LINS1: variants seen among roughly 807,000 people sequenced by gnomAD.
The protein encoded by LINS1 is lines homolog 1.
In LINS1, 27 loss-of-function variants were observed where a neutral mutation model predicts 41.6. That is an observed-to-expected ratio of 0.65 (90% CI 0.48 to 0.89). LINS1 has a LOEUF of 0.89. Ranked by LOEUF, LINS1 falls within the 40% of genes least tolerant of loss-of-function variation. The pLI is 0.00. For missense variants in LINS1, 955 were observed against 884.1 expected (o/e 1.08, Z -1.02); for synonymous variants, 336 against 312.9 (o/e 1.07, Z -0.78).
At chr15:100,576,273 G>A (rs951627196) in intron 3 of LINS1, among the ~76,000 whole-genome samples, 29 of 152,028 alleles carry the variant, frequency 1.9e-4, no homozygotes, top group African/African-American at 5.6e-4. Context: ...TTGATAAACC[G>A]TTAGCAAGAC....
At chr15:100,584,337 G>A (rs1334822530) in intron 1 of LINS1, among the ~76,000 whole-genome samples, 2 of 152,106 alleles carry the variant, frequency 1.3e-5, no homozygotes, top group Non-Finnish European at 2.9e-5. Flanking sequence ...AAATGAAAAT[G>A]AAATTGCTAT....
intron 3 of LINS1, among the ~76,000 whole-genome samples, chr15:100,577,816 C>A (rs1224781044): frequency 6.6e-6 from 1 of 152,100 alleles, no homozygotes; most frequent in African/African-American, 2.4e-5. Flanking sequence ...GTACTCGTAC[C>A]AAAACAGAGA....
At chr15:100,581,463 C>T (rs542899191) in intron 1 of LINS1, among the ~76,000 whole-genome samples, 274 of 152,296 alleles carry the variant, frequency 1.8e-3, no homozygotes, top group African/African-American at 6.4e-3. Context: ...TTAACCTTCA[C>T]CTCCAATTTA....
intron 1 of LINS1, among the ~76,000 whole-genome samples, chr15:100,591,043 G>GGCA (rs1306488012): frequency 6.6e-6 from 1 of 152,092 alleles, no homozygotes; most frequent in Admixed American, 6.6e-5. Flanking sequence ...CAGGCATGGT[G>GGCA]GCACATGCCT....
rs142121098 is a variant in LINS1 at position 100,573,227 on chromosome 15, C to T, written c.1222+424G>A. On this transcript the variant is annotated intron_variant, in intron 5 of 6. Coordinates refer to ENST00000314742, the MANE Select transcript of LINS1 (RefSeq NM_001040616.3). ...GTAGCCTTGATCTCCCAGGCTAGGACCTCCCAGGTTGGGACAGGAGGAATA... is the reference window on the plus strand; with the variant it reads ...GTAGCCTTGATCTCCCAGGCTAGGATCTCCCAGGTTGGGACAGGAGGAATA... 2.0e-4 allele frequency: 59 copies of T among 293,754 alleles called. 1 individual carries two copies. In the Middle Eastern group the frequency reaches 7.9e-3, roughly 39 times the overall value. The allele number at this position is 293,754 out of a possible 1,614,324, so 18.2% of individuals were successfully genotyped here.
chr15:100,586,928 A>G (rs2038825763), intron 1 of LINS1, among the ~76,000 whole-genome samples: 1 of 152,090 alleles, frequency 6.6e-6, no homozygotes, highest in Non-Finnish European at 1.5e-5. Context: ...TTGGGAGCCA[A>G]GGCGGGCAGA....
chr15:100,598,176 T>C (rs983077711), intron 1 of LINS1, among the ~76,000 whole-genome samples: 9 of 152,222 alleles, frequency 5.9e-5, no homozygotes, highest in African/African-American at 2.2e-4. Flanking sequence ...ATTTGTGCAA[T>C]GATTTTTATG....
At chr15:100,592,105 TA>T (rs1567099186) in intron 1 of LINS1, among the ~76,000 whole-genome samples, 1 of 152,200 alleles carries the variant, frequency 6.6e-6, no homozygotes, top group East Asian at 1.9e-4. Context: ...ATACACCAAG[TA>T]ATCAATGGAA....
chr15:100,570,349 A>C, intron 6 of LINS1: 2 of 440,722 alleles, frequency 4.5e-6, no homozygotes, highest in South Asian at 3.7e-5. Flanking sequence ...TTGTCTGCCC[A>C]ATAAAAGTTA....
chr15:100,579,188 TA>T (rs1159762360), intron 3 of LINS1, among the ~76,000 whole-genome samples: 2 of 144,178 alleles, frequency 1.4e-5, no homozygotes, highest in Non-Finnish European at 3.0e-5. Context: ...AATATATATA[TA>T]AAAAAATAAA....
chr15:100,590,822 T>C lies in LINS1; in HGVS notation c.-103-9877A>G, dbSNP rs1271423675. Among the ~76,000 whole-genome samples, 3 of 152,300 alleles carry C rather than the reference T, an allele frequency of 2.0e-5. No homozygotes were observed. The East Asian group carries it at 5.8e-4, about 29-fold the overall frequency. ...ATCTATTTGATTTTAGGTGGTTTGG[T>C]TTATGGGAACCTAAGGGAAGAAGCA... On this transcript the variant is annotated intron_variant, in intron 1 of 6. Transcript: ENST00000314742.
Position 100,575,134 on chromosome 15 carries a change from A to G in LINS1, c.490-6T>C. 1 of 1,609,256 alleles carries G rather than the reference A, an allele frequency of 6.2e-7. No homozygotes were observed. The highest frequency in any genetic ancestry group is 8.5e-7 in the Non-Finnish European group (1 of 1,177,918). ...CAGGAATTACTTAAGGTTATCTACA[A>G]GTGAGAAAATAAAGCAAGCAGTTAA... On this transcript the variant is annotated splice_polypyrimidine_tract_variant and splice_region_variant and intron_variant, in intron 3 of 6. Transcript: ENST00000314742.
At chr15:100,592,228 C>A (rs1417294363) in intron 1 of LINS1, among the ~76,000 whole-genome samples, 1 of 152,224 alleles carries the variant, frequency 6.6e-6, no homozygotes, top group Non-Finnish European at 1.5e-5. Context: ...TAAATCTCTG[C>A]TTTTGTTGCT....
At chr15:100,582,261 AC>A (rs2038584024) in intron 1 of LINS1, among the ~76,000 whole-genome samples, 1 of 147,152 alleles carries the variant, frequency 6.8e-6, no homozygotes, top group African/African-American at 2.5e-5. Context: ...ACTATGGCCC[AC>A]CAGCCAAGTC....
At chr15:100,599,283 T>G (rs2039371983) in intron 1 of LINS1, among the ~76,000 whole-genome samples, 1 of 152,226 alleles carries the variant, frequency 6.6e-6, no homozygotes, top group Non-Finnish European at 1.5e-5. Context: ...TCTAAACTGC[T>G]TTTACATCAT....
At chr15:100,597,193 G>A (rs890099966) in intron 1 of LINS1, among the ~76,000 whole-genome samples, 3 of 151,810 alleles carry the variant, frequency 2.0e-5, no homozygotes, top group Non-Finnish European at 4.4e-5. Flanking sequence ...GAGAAGCGAA[G>A]AACCTGACCT....
rs1445437000 is a variant in LINS1 at position 100,569,214 on chromosome 15, C to T, written c.*24G>A. On this transcript the variant is annotated 3_prime_UTR_variant, in exon 7 of 7. Transcript: ENST00000314742. ...TAATTTATATTAAGGAAAAACAATA[C>T]CTGGAAAATAAAATGTCAATGTTTT... is the stretch of plus-strand genomic sequence containing the variant. 1 of 1,483,608 alleles carries T rather than the reference C, an allele frequency of 6.7e-7. No individual in the cohort carries two copies. Among genetic ancestry groups the T allele is most frequent in the African/African-American group, 1.4e-5 (1 of 71,830 alleles). 91.9% of individuals were successfully genotyped at this position (1,483,608 alleles called of 1,614,324 possible).
At chr15:100,583,024 G>C (rs1476643197) in intron 1 of LINS1, among the ~76,000 whole-genome samples, 1 of 140,556 alleles carries the variant, frequency 7.1e-6, no homozygotes, top group African/African-American at 2.7e-5. Context: ...TGGGTCTTCT[G>C]TCTACACTAC....
At position 100,580,931 on chromosome 15, in the gene LINS1, T is replaced by G; in HGVS notation, c.-89A>C. The stretch of plus-strand genomic sequence containing the variant: ...AGAAGTGCAATGAATCTCTAAGAAG[T>G]TTCTTCAGTGAAACCTAAAATAGGA... On this transcript the variant is annotated 5_prime_UTR_variant, in exon 2 of 7. Coordinates refer to ENST00000314742, the MANE Select transcript of LINS1 (RefSeq NM_001040616.3). 1.6e-6 allele frequency: 2 copies of G among 1,243,444 alleles called. No homozygotes were observed. The highest frequency in any genetic ancestry group is 2.3e-6 in the Non-Finnish European group (2 of 884,150). The allele number at this position is 1,243,444 out of a possible 1,614,324, so 77.0% of individuals were successfully genotyped here. A position where few individuals can be genotyped will look rare whatever the true frequency, so the allele number is the denominator to read the frequency against.
Sources: allele counts gnomAD v4.1 joint callset (sites outside exome capture counted in the v4.1 genomes callset), GRCh38; gene constraint gnomAD v4.1.1; transcripts MANE v1.5; gene names NCBI Gene and HGNC (gene_info 2026-07-23, HGNC 2026-07-21).